Variants in LSP1 observed in about 807,000 individuals in gnomAD.
LSP1 encodes lymphocyte-specific protein 1.
A neutral mutation model predicts 49.3 loss-of-function variants in LSP1; 32 were observed. The observed-to-expected ratio is 0.65, with a 90% CI of 0.49 to 0.87. LSP1 has a LOEUF of 0.87. Ranked by LOEUF, LSP1 falls within the 40% of genes least tolerant of loss-of-function variation. The probability of loss-of-function intolerance (pLI) is 0.00; values close to 1 mark genes in which losing one functional copy is unlikely to be tolerated. For synonymous variants in LSP1, 179 were observed against 178.8 expected, an observed-to-expected ratio of 1.00 and a Z score of -0.01; for missense variants, 428 against 442.6, an observed-to-expected ratio of 0.97 and a Z score of 0.30.
Position 1,869,284 on chromosome 11 carries a change from T to C in LSP1, c.54-10803T>C. The C allele has an allele frequency of 1.2e-5, 3 of 254,630 alleles. No individual in the cohort carries two copies. In the South Asian group the frequency reaches 1.3e-4, roughly 11 times the overall value. The allele number at this position is 254,630 out of a possible 1,614,324, so 15.8% of individuals were successfully genotyped here. On this transcript the variant is annotated intron_variant, in intron 1 of 10. Coordinates refer to ENST00000311604, the MANE Select transcript of LSP1 (RefSeq NM_002339.3). ...AGGGATGCTGGGAGGGGGGCAACCC[T>C]GTGCCTGGGGCTGTGAGGGTCTCTT...
At chr11:1,889,631 A>G in intron 10 of LSP1, 1 of 614,500 alleles carries the variant, frequency 1.6e-6, no homozygotes, top group Non-Finnish European at 3.0e-6. Context: ...ATGGTGGGGT[A>G]GGGGATGAGG....
At chr11:1,872,464 C>T (rs561745675) in intron 1 of LSP1, among the ~76,000 whole-genome samples, 30 of 65,712 alleles carry the variant, frequency 4.6e-4, no homozygotes, top group African/African-American at 1.5e-3. Flanking sequence ...GGGGTCTGTC[C>T]GCTGGCGTGG....
chr11:1,856,690 G>A (rs913100933), intron 1 of LSP1, among the ~76,000 whole-genome samples: 2 of 152,224 alleles, frequency 1.3e-5, no homozygotes, highest in Non-Finnish European at 2.9e-5. Context: ...GAGGCCCCCG[G>A]CAGCCCCCTG....
intron 1 of LSP1, among the ~76,000 whole-genome samples, chr11:1,856,958 A>G (rs1170009695): frequency 6.6e-6 from 1 of 152,082 alleles, no homozygotes; most frequent in African/African-American, 2.4e-5. Context: ...CTGCTGAGGG[A>G]GGTTAGGATT....
In LSP1 at chr11:1,874,130, G is replaced by A. The variant is rs1322084328; in HGVS notation, c.54-5957G>A. On this transcript the variant is annotated intron_variant, in intron 1 of 10. Transcript: ENST00000311604. ...AGAGGAGGGAGGCTGGGGACAGTGG[G>A]GGCAGGCCGGGGACAGTGGGGGCAG... is the stretch of plus-strand genomic sequence containing the variant. Among the ~76,000 whole-genome samples, 28 of 144,870 alleles carry A rather than the reference G, an allele frequency of 1.9e-4. 8 individuals carry two copies. The highest frequency in any genetic ancestry group is 3.2e-4 in the Non-Finnish European group (21 of 65,574).
rs566869520 is a variant in LSP1 at position 1,861,818 on chromosome 11, G to A, written c.53+8621G>A. ...AGATGGATGGATGAATAGATGGATGGGTGAATGGATGGATGGATGGATGGA... is the reference window on the plus strand; with the variant it reads ...AGATGGATGGATGAATAGATGGATGAGTGAATGGATGGATGGATGGATGGA... On this transcript the variant is annotated intron_variant, in intron 1 of 10. Coordinates refer to ENST00000311604, the MANE Select transcript of LSP1 (RefSeq NM_002339.3). Among the ~76,000 whole-genome samples, 4 of 151,006 alleles carry A rather than the reference G, an allele frequency of 2.6e-5. No homozygotes were observed. The East Asian group carries it at 7.9e-4, about 30-fold the overall frequency.
chr11:1,866,991 A>G (rs935812885), intron 1 of LSP1: 126 of 1,330,052 alleles, frequency 9.5e-5, no homozygotes, highest in East Asian at 8.0e-4. Flanking sequence ...TGGGGAGGAG[A>G]CACTGAAGCC....
chr11:1,891,717 T>G (rs1195925543), intron 10 of LSP1, 56 bp from the exon 11 acceptor site: 1 of 152,670 alleles, frequency 6.6e-6, no homozygotes, highest in African/African-American at 2.4e-5. Flanking sequence ...GGCAGGTCTG[T>G]GGCCCCTCCC....
rs145979561 is a variant in LSP1 at position 1,881,818 on chromosome 11, G to C, written c.356+222G>C. 5.1e-3 allele frequency among the ~76,000 whole-genome samples: 770 copies of C among 152,270 alleles called. 8 individuals carry two copies. Among genetic ancestry groups the C allele is most frequent in the African/African-American group, 0.018 (731 of 41,552 alleles). ...CTGAAATGCCCCCATGGCCAGGAAA[G>C]GGGGAGACAGGAGGGGAGGGAGGAA... On this transcript the variant is annotated intron_variant, in intron 3 of 10. Coordinates refer to ENST00000311604, the MANE Select transcript of LSP1 (RefSeq NM_002339.3).
rs924353919 is a variant in LSP1 at position 1,884,418 on chromosome 11, A to AG, written c.636-76dup. 33 of 1,606,642 alleles carry AG rather than the reference A, an allele frequency of 2.1e-5. No individual in the cohort carries two copies. Among genetic ancestry groups the AG allele is most frequent in the South Asian group, 2.0e-4 (18 of 90,938 alleles). On this transcript the variant is annotated intron_variant, in intron 6 of 10. Coordinates refer to ENST00000311604, the MANE Select transcript of LSP1 (RefSeq NM_002339.3). The surrounding 1 kb of genome is among the most constrained non-coding windows in gnomAD (Gnocchi z 4.1). ...TCACAAGGTAGAGATCTGGAGACCG[A>AG]GGGGGGCTCTGGGAGAGGCTTGGGC... is the stretch of plus-strand genomic sequence containing the variant.
intron 7 of LSP1, among the ~76,000 whole-genome samples, chr11:1,885,690 T>TCAGTGCCCCTCCATCCACC (rs1423168155): frequency 6.6e-6 from 1 of 150,928 alleles, no homozygotes; most frequent in African/African-American, 2.4e-5. Flanking sequence ...CTCTACTAAA[T>TCAGTGCCCCTCCATCCACC]CAGTGCCCCT....
At chr11:1,859,727 C>T (rs1387887059) in intron 1 of LSP1, among the ~76,000 whole-genome samples, 1 of 150,564 alleles carries the variant, frequency 6.6e-6, no homozygotes. Context: ...CCCCAGCACC[C>T]ATGACCCACC....
chr11:1,879,070 T>A (rs776253494), intron 1 of LSP1, among the ~76,000 whole-genome samples: 5 of 152,046 alleles, frequency 3.3e-5, no homozygotes, highest in Non-Finnish European at 7.4e-5. Flanking sequence ...ATCGGCTGGG[T>A]GCGGTGGCTC....
At chr11:1,887,379 T>C in intron 9 of LSP1, 65 bp downstream of exon 9, 1 of 1,563,818 alleles carries the variant, frequency 6.4e-7, no homozygotes, top group Admixed American at 1.7e-5. Flanking sequence ...AGAGGGACTG[T>C]CCTCTGTGCA....
intron 1 of LSP1, among the ~76,000 whole-genome samples, chr11:1,873,710 C>G (rs1441991199): frequency 1.3e-5 from 2 of 151,828 alleles, no homozygotes; most frequent in African/African-American, 4.8e-5. Context: ...TGGGCCATCC[C>G]AGGCAGGCTG....
chr11:1,873,926 G>A (rs1848166561), intron 1 of LSP1, among the ~76,000 whole-genome samples: 1 of 137,898 alleles, frequency 7.3e-6, no homozygotes, highest in Non-Finnish European at 1.6e-5. Flanking sequence ...GCGGAGGAGG[G>A]AGGCCGGCAG....
chr11:1,871,612 A>G (rs1848011563), intron 1 of LSP1, among the ~76,000 whole-genome samples: 1 of 152,202 alleles, frequency 6.6e-6, no homozygotes, highest in Admixed American at 6.5e-5. Flanking sequence ...AGGCCACACC[A>G]TGAGGTTTCC....
chr11:1,873,862 CTGG>C lies in LSP1; in HGVS notation c.54-6224_54-6222del, dbSNP rs1848158581. ...GAGGGAGGCCGGCAGAGGAGGGAGG[CTGG>C]CAGAGGAGGGAGGCTGGCAGAGCAG... On this transcript the variant is annotated intron_variant, in intron 1 of 10. Transcript: ENST00000311604. Among the ~76,000 whole-genome samples the C allele has an allele frequency of 1.5e-3, 193 of 126,082 alleles. 9 individuals are homozygous for C. The highest frequency in any genetic ancestry group is 2.8e-3 in the African/African-American group (90 of 31,822). 82.7% of individuals were successfully genotyped at this position (126,082 alleles called of 152,430 possible). A position where few individuals can be genotyped will look rare whatever the true frequency, so the allele number is the denominator to read the frequency against.
chr11:1,890,392 A>C (rs1323500086), intron 10 of LSP1: 1 of 716,686 alleles, frequency 1.4e-6, no homozygotes, highest in East Asian at 2.7e-5. Context: ...GGGGACAGGG[A>C]GGTGCGGAAG....
Sources: gnomAD v4.1 joint callset for allele counts (sites outside exome capture counted in the v4.1 genomes callset) on GRCh38, gnomAD v4.1.1 for gene constraint, Gnocchi (gnomAD v3.1) non-coding constraint, MANE v1.5 for transcripts, NCBI Gene and HGNC (gene_info 2026-07-23, HGNC 2026-07-21) for gene names.